Variants in CEACAM6 observed in about 807,000 individuals in gnomAD.
The protein encoded by CEACAM6 is cell adhesion molecule CEACAM6.
In CEACAM6, 21 loss-of-function variants were observed where a neutral mutation model predicts 32.4. The observed-to-expected ratio is 0.65, with a 90% CI of 0.46 to 0.93. The LOEUF (loss-of-function observed/expected upper bound fraction) is 0.93. CEACAM6 is among the 40% of genes least tolerant of loss of function. The pLI is 0.00. For synonymous variants in CEACAM6, 184 were observed against 174.4 expected (o/e 1.06, Z -0.43); for missense variants, 406 against 432.2 (o/e 0.94, Z 0.54).
chr19:41,756,517 G>C (rs1040496191), intron 1 of CEACAM6, 83 bp from the exon 2 acceptor site: 4 of 1,542,030 alleles, frequency 2.6e-6, no homozygotes, highest in African/African-American at 1.4e-5. Flanking sequence ...GGGGTGAAGA[G>C]ACCTGCTCAG....
chr19:41,768,639 C>A (rs997621965), intron 5 of CEACAM6, among the ~76,000 whole-genome samples: 4 of 152,202 alleles, frequency 2.6e-5, no homozygotes, highest in Non-Finnish European at 5.9e-5. Flanking sequence ...GGGGTGGTGG[C>A]CAGGCAGAGG....
rs1555821219 is a variant in CEACAM6 at position 41,756,871 on chromosome 19, C to T, written c.336C>T (p.Val112=). 1.2e-6 allele frequency: 2 copies of T among 1,614,166 alleles called. No homozygotes were observed. The highest frequency in any genetic ancestry group is 1.7e-5 in the Admixed American group (1 of 60,016). Residue 112 remains valine (V), a synonymous_variant, in exon 2 of 6, where the codon GTC becomes GTT. Transcript: ENST00000199764. Reference sequence around the variant, plus strand: ...ATGCATCCCTGCTGATCCAGAACGTCACCCAGAATGACACAGGATTCTATA... The same window carrying T: ...ATGCATCCCTGCTGATCCAGAACGTTACCCAGAATGACACAGGATTCTATA... ...YPNASLLIQN[V]TQNDTGFYTL...
chr19:41,762,275 C>T (rs1208502920), intron 4 of CEACAM6, 52 bp downstream of exon 4: 1 of 1,579,002 alleles, frequency 6.3e-7, no homozygotes, highest in East Asian at 2.2e-5. Flanking sequence ...GAGTCTGGCT[C>T]TCAGAGAAGA....
At position 41,771,220 on chromosome 19, in the gene CEACAM6, G is replaced by A. The variant is rs1455699938; in HGVS notation, c.*459G>A. On this transcript the variant is annotated 3_prime_UTR_variant, in exon 6 of 6. Coordinates refer to ENST00000199764, the MANE Select transcript of CEACAM6 (RefSeq NM_002483.7). ...TCAGATCTATCTTGTCAATCCCAAC[G>A]TTTTACATAAAATAAGAGATCCTTT... The A allele has an allele frequency of 3.9e-5, 6 of 152,142 alleles. No homozygotes were observed. Among genetic ancestry groups the A allele is most frequent in the African/African-American group, 1.4e-4 (6 of 41,422 alleles). The allele number at this position is 152,142 out of a possible 1,614,324, so 9.4% of individuals were successfully genotyped here. A position where few individuals can be genotyped will look rare whatever the true frequency, so the allele number is the denominator to read the frequency against.
At chr19:41,755,808 G>A (rs1555820947) in intron 1 of CEACAM6, 106 bp downstream of exon 1, 7 of 844,856 alleles carry the variant, frequency 8.3e-6, no homozygotes, top group Non-Finnish European at 1.3e-5. Context: ...GGCTTTTGTT[G>A]AAGCCTGAGG....
intron 4 of CEACAM6, among the ~76,000 whole-genome samples, 193 bp from the exon 5 acceptor site, chr19:41,765,988 AAC>A (rs1555822350): frequency 6.6e-6 from 1 of 152,250 alleles, no homozygotes; most frequent in Admixed American, 6.5e-5. Flanking sequence ...GTGCAGAAAG[AAC>A]AGGATGAAAT....
At chr19:41,763,474 C>T (rs546802225) in intron 4 of CEACAM6, among the ~76,000 whole-genome samples, 27 of 152,340 alleles carry the variant, frequency 1.8e-4, no homozygotes, top group African/African-American at 6.5e-4. Context: ...CCCCAAAAGA[C>T]CAGGCAGTCA....
chr19:41,761,056 C>T (rs1400802846), intron 2 of CEACAM6, among the ~76,000 whole-genome samples, 193 bp from the exon 3 acceptor site: 7 of 152,368 alleles, frequency 4.6e-5, no homozygotes, highest in Admixed American at 2.6e-4. Flanking sequence ...GCTTCTCCCA[C>T]ACAGAGCAGG....
Position 41,762,059 on chromosome 19 carries a change from C to T in CEACAM6, c.794C>T (p.Pro265Leu). ...LNLSCHAASN[P>L]PAQYSWFING... ...CTCTCCTGCCACGCAGCCTCTAACCCACCTGCACAGTACTCTTGGTTTATC... is the reference window on the plus strand; with the variant it reads ...CTCTCCTGCCACGCAGCCTCTAACCTACCTGCACAGTACTCTTGGTTTATC... Residue 265 changes from proline to leucine, a missense_variant, in exon 4 of 6, where the codon CCA becomes CTA. By Grantham distance (98) the Pro-to-Leu change is moderately conservative. Coordinates refer to ENST00000199764, the MANE Select transcript of CEACAM6 (RefSeq NM_002483.7). 1 of 1,614,194 alleles carries T rather than the reference C, an allele frequency of 6.2e-7. No individual in the cohort carries two copies. The highest frequency in any genetic ancestry group is 8.5e-7 in the Non-Finnish European group (1 of 1,180,032).
intron 2 of CEACAM6, among the ~76,000 whole-genome samples, chr19:41,761,011 A>G (rs529719849): frequency 3.3e-5 from 5 of 152,308 alleles, no homozygotes; most frequent in Admixed American, 2.0e-4. Context: ...CCATGACCCA[A>G]TGCTGCTGCT....
At chr19:41,760,059 CGTAA>C (rs573128924) in intron 2 of CEACAM6, among the ~76,000 whole-genome samples, 67 of 152,290 alleles carry the variant, frequency 4.4e-4, no homozygotes, top group African/African-American at 1.5e-3. Flanking sequence ...AAGCCTTATG[CGTAA>C]GTGATACTCA....
intron 2 of CEACAM6, among the ~76,000 whole-genome samples, chr19:41,760,302 C>T (rs2072914668): frequency 6.6e-6 from 1 of 152,120 alleles, no homozygotes; most frequent in South Asian, 2.1e-4. Flanking sequence ...GCATAATGTC[C>T]AATGGGAGAA....
At chr19:41,763,443 C>T (rs1335163680) in intron 4 of CEACAM6, among the ~76,000 whole-genome samples, 7 of 152,196 alleles carry the variant, frequency 4.6e-5, no homozygotes, top group Non-Finnish European at 8.8e-5. Flanking sequence ...AGAAACAGCA[C>T]CTGCATGTTC....
rs781948659 is a variant in CEACAM6, at chr19:41,766,194, G to C, written c.970G>C (p.Val324Leu). 2 of 1,607,226 alleles carry C rather than the reference G, an allele frequency of 1.2e-6. No homozygotes were observed. Among genetic ancestry groups the C allele is most frequent in the South Asian group, 1.1e-5 (1 of 89,694 alleles). The change falls in exon 5 of 6, where the codon GTC becomes CTC. Residue 324 changes from valine (V) to leucine (L), a missense_variant. Transcript: ENST00000199764. ...CTTCTTCCCACAAGGAAGTGCTCCT[G>C]TCCTCTCAGCTGTGGCCACCGTCGG... ...TMITVSGSAP[V>L]LSAVATVGIT... is the part of the protein sequence containing the mutation.
Position 41,759,654 on chromosome 19 carries a change from C to T in CEACAM6, c.425-1595C>T, listed in dbSNP as rs147233218. On this transcript the variant is annotated intron_variant, in intron 2 of 5. Coordinates refer to ENST00000199764, the MANE Select transcript of CEACAM6 (RefSeq NM_002483.7). The stretch of plus-strand genomic sequence containing the variant: ...GCTGGAATTCACAGCACACCTAAAC[C>T]TTAGTATGTTATCAAGAAAAATACT... 2.6e-3 allele frequency among the ~76,000 whole-genome samples: 391 copies of T among 152,300 alleles called. 1 individual carries two copies. The highest frequency in any genetic ancestry group is 7.7e-3 in the South Asian group (37 of 4,824).
intron 5 of CEACAM6, among the ~76,000 whole-genome samples, chr19:41,768,556 C>A (rs1454551179): frequency 6.6e-6 from 1 of 152,244 alleles, no homozygotes; most frequent in Non-Finnish European, 1.5e-5. Context: ...ACCTTTCCCC[C>A]TTTTCTATTC....
At chr19:41,761,944 T>G in intron 3 of CEACAM6, 25 bp from the exon 4 acceptor site, 3 of 1,612,726 alleles carry the variant, frequency 1.9e-6, no homozygotes, top group Non-Finnish European at 2.5e-6. Context: ...CAACATCACC[T>G]GTGGCTTTAT....
At chr19:41,757,597 T>A (rs1168766148) in intron 2 of CEACAM6, among the ~76,000 whole-genome samples, 1 of 152,144 alleles carries the variant, frequency 6.6e-6, no homozygotes, top group East Asian at 1.9e-4. Context: ...TACTAGTGCA[T>A]GAGCCCACTG....
At chr19:41,756,500 A>G (rs1213988380) in intron 1 of CEACAM6, 100 bp from the exon 2 acceptor site, 3 of 1,441,090 alleles carry the variant, frequency 2.1e-6, no homozygotes, top group Non-Finnish European at 1.9e-6. Context: ...ACACGCTCCA[A>G]CGTGGAGGGG....
Sources: gnomAD v4.1 joint callset for allele counts (sites outside exome capture counted in the v4.1 genomes callset) on GRCh38, gnomAD v4.1.1 for gene constraint, MANE v1.5 for transcripts, NCBI Gene and HGNC (gene_info 2026-07-23, HGNC 2026-07-21) for gene names.